Variants in ZNF831 observed in about 807,000 individuals in gnomAD.
The protein encoded by ZNF831 is zinc finger protein 831.
ZNF831 carries 59 observed loss-of-function variants against 95.8 expected under a neutral mutation model. That is an observed-to-expected ratio of 0.62 (90% confidence interval 0.50 to 0.77). ZNF831 has a LOEUF of 0.77. Ranked by LOEUF, ZNF831 falls within the 30% of genes least tolerant of loss-of-function variation. The pLI is 0.00. For synonymous variants in ZNF831, 961 were observed against 925.5 expected (o/e 1.04, Z -0.70); for missense variants, 2,205 against 2,164.0 (o/e 1.02, Z -0.38).
chr20:59,245,085 G>A (rs1987523806), intron 4 of ZNF831, among the ~76,000 whole-genome samples: 1 of 152,170 alleles, frequency 6.6e-6, no homozygotes, highest in Admixed American at 6.5e-5. Context: ...CTTTGCTTCA[G>A]CAAGAGAGCA....
intron 1 of ZNF831, among the ~76,000 whole-genome samples, chr20:59,135,718 G>A (rs1272355374): frequency 6.6e-6 from 1 of 151,974 alleles, no homozygotes; most frequent in Non-Finnish European, 1.5e-5. Context: ...GTGACAGAGC[G>A]AGACTCCATC....
chr20:59,128,803 C>T (rs1299317518), intron 1 of ZNF831, among the ~76,000 whole-genome samples: 1 of 152,194 alleles, frequency 6.6e-6, no homozygotes, highest in Non-Finnish European at 1.5e-5. Context: ...GCTCTGTCCC[C>T]CAGGCTGGAG....
At chr20:59,206,766 T>C in intron 3 of ZNF831, 139 bp from the exon 4 acceptor site, 1 of 860,910 alleles carries the variant, frequency 1.2e-6, no homozygotes, top group South Asian at 1.6e-5. Flanking sequence ...TATGGAGGGA[T>C]CAGGAGTTGC....
rs971017253 is a variant in ZNF831, at chr20:59,163,912, C to A, written c.-332C>A. Among the ~76,000 whole-genome samples, 2 of 152,122 alleles carry A rather than the reference C, an allele frequency of 1.3e-5. No individual in the cohort carries two copies. The highest frequency in any genetic ancestry group is 2.9e-5 in the Non-Finnish European group (2 of 68,010). On this transcript the variant is annotated 5_prime_UTR_variant, in exon 1 of 6. Transcript: ENST00000371030. ...CGTGGACTTGACATAAAGGCCAAGC[C>A]ACAGGAGGCTGCCCTCTTTTATTTT... is the stretch of plus-strand genomic sequence containing the variant.
chr20:59,253,868 A>G lies in ZNF831; in HGVS notation c.4189-30A>G, dbSNP rs259957. ...TTTGTACCAATTAACCTCCCCCCCCACTTTTTTTTTCCTTTGCACTTTGTT... is the reference window on the plus strand; with the variant it reads ...TTTGTACCAATTAACCTCCCCCCCCGCTTTTTTTTTCCTTTGCACTTTGTT... On this transcript the variant is annotated intron_variant, in intron 5 of 5. Transcript: ENST00000371030. The G allele has an allele frequency of 7.6e-5, 73 of 955,972 alleles. 6 individuals carry two copies. The highest frequency in any genetic ancestry group is 4.3e-4 in the Middle Eastern group (1 of 2,310). 59.2% of individuals were successfully genotyped at this position (955,972 alleles called of 1,614,324 possible). A position where few individuals can be genotyped will look rare whatever the true frequency, so the allele number is the denominator to read the frequency against.
At chr20:59,179,906 C>T (rs1232790678) in intron 1 of ZNF831, among the ~76,000 whole-genome samples, 1 of 152,120 alleles carries the variant, frequency 6.6e-6, no homozygotes, top group Non-Finnish European at 1.5e-5. Context: ...TAAAGCTGCC[C>T]TCACCTATCA....
At chr20:59,151,372 C>A (rs1980225583) in intron 2 of ZNF831, among the ~76,000 whole-genome samples, 1 of 152,152 alleles carries the variant, frequency 6.6e-6, no homozygotes, top group Non-Finnish European at 1.5e-5. Context: ...GGACTGCAGA[C>A]CTTTGAGGAG....
chr20:59,210,167 C>G (rs897354584), intron 4 of ZNF831, among the ~76,000 whole-genome samples: 1 of 152,198 alleles, frequency 6.6e-6, no homozygotes, highest in Admixed American at 6.5e-5. Flanking sequence ...CATCTGGGCT[C>G]TCATTGTTTG....
rs1329796317 is a variant in ZNF831, at chr20:59,217,802, A to T, written c.4027+10746A>T. 6.6e-6 allele frequency among the ~76,000 whole-genome samples: 1 copy of T among 152,198 alleles called. No homozygotes were observed. The highest frequency in any genetic ancestry group is 1.5e-5 in the Non-Finnish European group (1 of 68,044). On this transcript the variant is annotated intron_variant, in intron 4 of 5. Coordinates refer to ENST00000371030, the MANE Select transcript of ZNF831 (RefSeq NM_178457.3). This position sits in a 1 kb window ranked among gnomAD's most constrained non-coding sequence, Gnocchi z 4.4. ...ATTTATTTATTTTTTTAAATCACAGAGAAGTAAGTTTCTCTTGACCAGATG... is the reference window on the plus strand; with the variant it reads ...ATTTATTTATTTTTTTAAATCACAGTGAAGTAAGTTTCTCTTGACCAGATG...
chr20:59,190,995 T>C lies in ZNF831; in HGVS notation c.-25T>C. The C allele has an allele frequency of 6.8e-7, 1 of 1,470,588 alleles. No individual in the cohort carries two copies. Among genetic ancestry groups the C allele is most frequent in the South Asian group, 1.5e-5 (1 of 68,412 alleles). 91.1% of individuals were successfully genotyped at this position (1,470,588 alleles called of 1,614,324 possible). A position where few individuals can be genotyped will look rare whatever the true frequency, so the allele number is the denominator to read the frequency against. On this transcript the variant is annotated 5_prime_UTR_variant, in exon 2 of 6. Transcript: ENST00000371030. ...GTTGTTGTCTGCAGGTTTTCCAGCA[T>C]TGTGGGCCATCCAGATGATGCGGAA...
chr20:59,251,917 A>G (rs1420336847), intron 4 of ZNF831, among the ~76,000 whole-genome samples: 1 of 152,228 alleles, frequency 6.6e-6, no homozygotes, highest in East Asian at 1.9e-4. Context: ...ACTAATATAA[A>G]CATGGAATAT....
At chr20:59,179,509 T>A (rs938711113) in intron 1 of ZNF831, among the ~76,000 whole-genome samples, 1 of 152,040 alleles carries the variant, frequency 6.6e-6, no homozygotes, top group African/African-American at 2.4e-5. Context: ...CATCCTTGAT[T>A]TTTAGAGGGA....
chr20:59,132,264 G>A (rs1979370587), intron 1 of ZNF831, among the ~76,000 whole-genome samples: 1 of 147,196 alleles, frequency 6.8e-6, no homozygotes, highest in South Asian at 2.1e-4. Context: ...AGTTGCTCAA[G>A]TTTCTTCTTG....
chr20:59,185,160 G>A, intron 1 of ZNF831, among the ~76,000 whole-genome samples: 1 of 152,132 alleles, frequency 6.6e-6, no homozygotes, highest in Middle Eastern at 3.2e-3. Context: ...GGGGACAATA[G>A]GACTTGCCAT....
chr20:59,216,772 G>A (rs1213013643), intron 4 of ZNF831, among the ~76,000 whole-genome samples: 2 of 152,170 alleles, frequency 1.3e-5, no homozygotes, highest in African/African-American at 4.8e-5. Context: ...GACTTCTCAG[G>A]CCTCAGTCGG....
At chr20:59,134,118 A>T (rs1979432582) in intron 1 of ZNF831, among the ~76,000 whole-genome samples, 1 of 151,892 alleles carries the variant, frequency 6.6e-6, no homozygotes, top group African/African-American at 2.4e-5. Flanking sequence ...CCACCCCAGA[A>T]CCCTCTAATG....
chr20:59,148,189 G>A (rs1979981612), intron 2 of ZNF831, among the ~76,000 whole-genome samples: 1 of 152,164 alleles, frequency 6.6e-6, no homozygotes, highest in African/African-American at 2.4e-5. Flanking sequence ...GTCATTTGTG[G>A]TCGGCCCATC....
At chr20:59,140,675 C>A (rs1467927947) in intron 1 of ZNF831, among the ~76,000 whole-genome samples, 1 of 152,146 alleles carries the variant, frequency 6.6e-6, no homozygotes, top group Non-Finnish European at 1.5e-5. Context: ...ACATTCACAT[C>A]AGCAACTGGG....
At chr20:59,201,398 T>C (rs1984523169) in intron 3 of ZNF831, among the ~76,000 whole-genome samples, 1 of 152,216 alleles carries the variant, frequency 6.6e-6, no homozygotes, top group South Asian at 2.1e-4. Flanking sequence ...GGAGATGTGA[T>C]TTGTAACTAT....
Sources: gnomAD v4.1 joint callset for allele counts (sites outside exome capture counted in the v4.1 genomes callset) on GRCh38, gnomAD v4.1.1 for gene constraint, Gnocchi (gnomAD v3.1) non-coding constraint, MANE v1.5 for transcripts, NCBI Gene and HGNC (gene_info 2026-07-23, HGNC 2026-07-21) for gene names.